Variants in MBNL2 observed in about 807,000 individuals in gnomAD.
MBNL2 encodes muscleblind-like protein 2.
MBNL2 carries 17 observed loss-of-function variants against 41.9 expected under a neutral mutation model. The observed-to-expected ratio is 0.41, with a 90% confidence interval of 0.28 to 0.61. The LOEUF is 0.61. Ranked by LOEUF, MBNL2 falls within the 20% of genes least tolerant of loss-of-function variation. The pLI, the probability that MBNL2 is intolerant of heterozygous loss-of-function variation, is 0.35. For missense variants in MBNL2, 336 were observed against 505.6 expected, an observed-to-expected ratio of 0.66 and a Z score of 3.22; for synonymous variants, 195 against 182.9, an observed-to-expected ratio of 1.07 and a Z score of -0.53.
intron 1 of MBNL2, among the ~76,000 whole-genome samples, chr13:97,233,320 TC>T (rs1418379858): frequency 3.4e-5 from 1 of 29,718 alleles, no homozygotes; most frequent in Non-Finnish European, 5.8e-5. Context: ...CCCTCCCCCC[TC>T]CCCCCACCCC....
intron 8 of MBNL2, among the ~76,000 whole-genome samples, chr13:97,382,505 T>G (rs1350558677): frequency 6.6e-6 from 1 of 152,142 alleles, no homozygotes; most frequent in Non-Finnish European, 1.5e-5. Flanking sequence ...TAGAATGTCA[T>G]CCGGGGAAAG....
upstream of MBNL2, among the ~76,000 whole-genome samples, chr13:97,219,909 G>A (rs934195291): frequency 3.3e-5 from 5 of 152,186 alleles, no homozygotes; most frequent in East Asian, 1.9e-4. Context: ...AAAAGATACC[G>A]ATAGCTTGGA....
chr13:97,182,417 A>G, the MBNL2 span, among the ~76,000 whole-genome samples: 1 of 152,202 alleles, frequency 6.6e-6, no homozygotes, highest in Non-Finnish European at 1.5e-5. Flanking sequence ...TACATATATT[A>G]AATGTTTTAT....
intron 2 of MBNL2, among the ~76,000 whole-genome samples, chr13:97,319,384 G>A (rs1403153094): frequency 2.6e-5 from 4 of 152,108 alleles, no homozygotes; most frequent in Admixed American, 1.3e-4. Context: ...CAATGACCAA[G>A]GGCACTAAAG....
chr13:97,362,008 G>A (rs1288682882), intron 7 of MBNL2, among the ~76,000 whole-genome samples: 2 of 151,874 alleles, frequency 1.3e-5, no homozygotes, highest in Non-Finnish European at 2.9e-5. Flanking sequence ...CCTTGACCTT[G>A]TGATCCACCC....
intron 2 of MBNL2, among the ~76,000 whole-genome samples, chr13:97,291,122 G>A (rs1429889730): frequency 6.6e-6 from 1 of 152,106 alleles, no homozygotes; most frequent in Admixed American, 6.5e-5. Context: ...GAAGGGCCAG[G>A]TGGTTGGTTA....
At chr13:97,200,534 C>T in the MBNL2 span, among the ~76,000 whole-genome samples, 1 of 152,162 alleles carries the variant, frequency 6.6e-6, no homozygotes, top group Non-Finnish European at 1.5e-5. Context: ...GTAATCACTC[C>T]ATATAGAATA....
intron 1 of MBNL2, among the ~76,000 whole-genome samples, chr13:97,223,607 T>C (rs1387005178): frequency 1.3e-5 from 2 of 152,254 alleles, no homozygotes; most frequent in African/African-American, 4.8e-5. Context: ...AACATTACTG[T>C]CCCTTTAAAA....
intron 2 of MBNL2, among the ~76,000 whole-genome samples, chr13:97,295,735 A>G (rs1004724359): frequency 6.6e-6 from 1 of 152,196 alleles, no homozygotes; most frequent in Admixed American, 6.5e-5. Context: ...TTGGGGACTC[A>G]TAAAACTGTT....
upstream of MBNL2, chr13:97,222,246 G>A: frequency 2.5e-6 from 1 of 395,318 alleles, no homozygotes; most frequent in Non-Finnish European, 4.5e-6. Flanking sequence ...CAGACGAGTA[G>A]GGCTGACGAG....
chr13:97,336,353 G>C (rs1307609702), intron 3 of MBNL2, among the ~76,000 whole-genome samples: 4 of 151,748 alleles, frequency 2.6e-5, no homozygotes, highest in African/African-American at 7.3e-5. Flanking sequence ...GAGTATACGT[G>C]GCTGAATAAT....
chr13:97,274,078 ATTAAAAAAC>A (rs984149627), intron 1 of MBNL2, among the ~76,000 whole-genome samples: 4 of 152,104 alleles, frequency 2.6e-5, no homozygotes, highest in Non-Finnish European at 5.9e-5. Context: ...AAGAAAAAAA[ATTAAAAAAC>A]TTAAAAAGCC....
chr13:97,387,693 T>A (rs190178174), intron 8 of MBNL2, among the ~76,000 whole-genome samples: 3 of 152,230 alleles, frequency 2.0e-5, no homozygotes, highest in African/African-American at 7.2e-5. Flanking sequence ...AAACTCATGC[T>A]GGTTTGTGCA....
chr13:97,215,676 CCTT>C, the MBNL2 span, among the ~76,000 whole-genome samples: 3 of 151,884 alleles, frequency 2.0e-5, no homozygotes, highest in African/African-American at 7.3e-5. Flanking sequence ...TCATATAACT[CCTT>C]ACTTGTTAAA....
intron 2 of MBNL2, among the ~76,000 whole-genome samples, chr13:97,303,484 T>C (rs1459474330): frequency 6.6e-6 from 1 of 152,136 alleles, no homozygotes; most frequent in Non-Finnish European, 1.5e-5. Context: ...GGAGAAGGCA[T>C]AGAGGTCGGA....
chr13:97,161,552 A>G, the MBNL2 span, among the ~76,000 whole-genome samples: 2 of 152,342 alleles, frequency 1.3e-5, no homozygotes, highest in African/African-American at 2.4e-5. Context: ...ATAAATTTAT[A>G]CAAACAACTC....
intron 4 of MBNL2, among the ~76,000 whole-genome samples, chr13:97,345,581 C>T (rs1229271138): frequency 6.6e-6 from 1 of 151,980 alleles, no homozygotes; most frequent in Non-Finnish European, 1.5e-5. Context: ...ATATCTCTTG[C>T]CGTATTTCTC....
At chr13:97,358,522 TAAAAAA>T (rs996610267) in intron 7 of MBNL2, among the ~76,000 whole-genome samples, 32 of 152,040 alleles carry the variant, frequency 2.1e-4, no homozygotes, top group African/African-American at 6.8e-4. Flanking sequence ...CAGATAAAAG[TAAAAAA>T]ACAAAAGTAT....
intron 1 of MBNL2, among the ~76,000 whole-genome samples, chr13:97,252,675 C>A (rs2046801676): frequency 6.6e-6 from 1 of 151,956 alleles, no homozygotes. Context: ...TTGATTATTG[C>A]TAGAAAACAA....
Sources: allele counts gnomAD v4.1 joint callset (sites outside exome capture counted in the v4.1 genomes callset), GRCh38; gene constraint gnomAD v4.1.1; transcripts MANE v1.5; gene names NCBI Gene and HGNC (gene_info 2026-07-23, HGNC 2026-07-21).